The following BCL9 variants were observed in gnomAD, a reference collection of about 807,000 sequenced individuals.
The protein encoded by BCL9 is B-cell CLL/lymphoma 9 protein.
BCL9 carries 25 observed loss-of-function variants against 88.5 expected under a neutral mutation model. That is an observed-to-expected ratio of 0.28 (90% CI 0.21 to 0.39). The LOEUF is 0.39. BCL9 is among the 10% of genes least tolerant of loss of function. The probability of loss-of-function intolerance (pLI) is 1.00; values close to 1 mark genes in which losing one functional copy is unlikely to be tolerated. For synonymous variants in BCL9, 711 were observed against 673.3 expected (o/e 1.06, Z -0.87); for missense variants, 1,817 against 1,877.8 (o/e 0.97, Z 0.60).
At chr1:147,573,860 T>A (rs907927125) in intron 1 of BCL9, among the ~76,000 whole-genome samples, 3 of 152,126 alleles carry the variant, frequency 2.0e-5, no homozygotes, top group African/African-American at 7.2e-5. Flanking sequence ...TAACTCTCAG[T>A]CATGTGTTTT....
At chr1:147,563,828 C>T (rs186916761) in intron 1 of BCL9, among the ~76,000 whole-genome samples, 20 of 152,344 alleles carry the variant, frequency 1.3e-4, no homozygotes, top group South Asian at 8.3e-4. Flanking sequence ...TACCAAGCAC[C>T]GTGCTAAGTG....
intron 1 of BCL9, among the ~76,000 whole-genome samples, chr1:147,556,037 G>C (rs966933259): frequency 7.9e-5 from 12 of 152,178 alleles, no homozygotes; most frequent in Admixed American, 2.0e-4. Flanking sequence ...GGGCATGAAG[G>C]TGTCCTAGAG....
At position 147,624,799 on chromosome 1, in the gene BCL9, C is replaced by T; in HGVS notation, c.4121C>T (p.Pro1374Leu). Residue 1374 changes from proline (P) to leucine (L), a missense_variant, in exon 10 of 10, where the codon CCT becomes CTT. Coordinates refer to ENST00000234739, the MANE Select transcript of BCL9 (RefSeq NM_004326.4). The surrounding 1 kb of genome is among the most constrained non-coding windows in gnomAD (Gnocchi z 4.4). ...GPAGLYTHPG[P>L]VGSPGMMMSM... ...GCCGGGCTCTACACCCACCCTGGGC[C>T]TGTGGGCTCTCCAGGCATGATGATG... 1 of 1,614,174 alleles carries T rather than the reference C, an allele frequency of 6.2e-7. No homozygotes were observed. Among genetic ancestry groups the T allele is most frequent in the East Asian group, 2.2e-5 (1 of 44,884 alleles).
chr1:147,571,474 C>G (rs1572826), intron 1 of BCL9, among the ~76,000 whole-genome samples: 28,063 of 152,084 alleles, frequency 0.18, 7,076 homozygotes, highest in African/African-American at 0.57. Flanking sequence ...TAGAGACCCT[C>G]CTCTTCATCA....
At chr1:147,598,144 T>C (rs956175091) in intron 1 of BCL9, among the ~76,000 whole-genome samples, 1 of 152,208 alleles carries the variant, frequency 6.6e-6, no homozygotes, top group African/African-American at 2.4e-5. Context: ...TCTTTTCTAA[T>C]ACCATAAGAA....
chr1:147,599,792 A>G (rs1570884094), intron 1 of BCL9, among the ~76,000 whole-genome samples: 2 of 101,732 alleles, frequency 2.0e-5, no homozygotes, highest in African/African-American at 7.9e-5. Context: ...GGGCGGCGGG[A>G]GGTGCGGCTG....
intron 1 of BCL9, among the ~76,000 whole-genome samples, chr1:147,604,535 G>A (rs1553201711): frequency 3.3e-5 from 5 of 152,214 alleles, no homozygotes; most frequent in Non-Finnish European, 5.9e-5. Context: ...TAAACTCCCA[G>A]TCATCCATTA....
At chr1:147,615,731 A>T in intron 6 of BCL9, 72 bp from the exon 7 acceptor site, 1 of 1,240,328 alleles carries the variant, frequency 8.1e-7, no homozygotes, top group Non-Finnish European at 1.2e-6. Flanking sequence ...TTGTGTGGTT[A>T]AAGTGCTTTG....
intron 1 of BCL9, among the ~76,000 whole-genome samples, chr1:147,560,504 C>T (rs965083303): frequency 1.5e-4 from 23 of 151,102 alleles, no homozygotes; most frequent in African/African-American, 5.1e-4. Context: ...GGGGGTAGGG[C>T]GCCGAGGGTG....
rs781791558 is a variant in BCL9, at chr1:147,620,490, A to T, written c.2335A>T (p.Met779Leu). Residue 779 changes from methionine (M) to leucine (L), a missense_variant, in exon 8 of 10, where the codon ATG becomes TTG. By Grantham distance (15) the Met-to-Leu change is conservative. Coordinates refer to ENST00000234739, the MANE Select transcript of BCL9 (RefSeq NM_004326.4). ...FGEHPQQEYGMGPRPFLPMSQ... is the reference protein window; with the variant it reads ...FGEHPQQEYGLGPRPFLPMSQ... ...TGAGCACCCCCAGCAGGAGTATGGCATGGGCCCCAGACCATTCCTTCCCAT... is the reference window on the plus strand; with the variant it reads ...TGAGCACCCCCAGCAGGAGTATGGCTTGGGCCCCAGACCATTCCTTCCCAT... The T allele has an allele frequency of 1.2e-6, 2 of 1,614,020 alleles. No homozygotes were observed. Among genetic ancestry groups the T allele is most frequent in the African/African-American group, 1.3e-5 (1 of 74,920 alleles).
At chr1:147,622,201 C>G in intron 8 of BCL9, 70 bp from the exon 9 acceptor site, 1 of 1,579,472 alleles carries the variant, frequency 6.3e-7, no homozygotes, top group Admixed American at 1.7e-5. Context: ...AGTTCATAAT[C>G]ATAGGGCCCA....
At chr1:147,601,590 G>A (rs112992851) in intron 1 of BCL9, among the ~76,000 whole-genome samples, 2 of 152,182 alleles carry the variant, frequency 1.3e-5, no homozygotes, top group East Asian at 3.9e-4. Context: ...GACTCATGTG[G>A]GTTTAGAACC....
intron 1 of BCL9, among the ~76,000 whole-genome samples, chr1:147,559,126 TTC>T (rs200009989): frequency 0.059 from 3,608 of 61,492 alleles, 137 homozygotes; most frequent in African/African-American, 0.19. Context: ...TTCTTTCTTC[TTC>T]TTTTTTTTTT....
chr1:147,583,930 C>T (rs189219104), intron 1 of BCL9, among the ~76,000 whole-genome samples: 2 of 152,042 alleles, frequency 1.3e-5, no homozygotes, highest in East Asian at 2.0e-4. Flanking sequence ...TCCCTCCAGC[C>T]TGAATGACAA....
Position 147,611,853 on chromosome 1 carries a change from C to T in BCL9, c.17C>T (p.Pro6Leu), listed in dbSNP as rs1658019485. The T allele has an allele frequency of 1.9e-6, 3 of 1,614,148 alleles. No homozygotes were observed. The East Asian group carries it at 6.7e-5, about 36-fold the overall frequency. The part of the protein sequence containing the change: MHSSN[P>L]KVRSSPSGNT... ...TTTCAATCAATGCATTCCAGTAACC[C>T]TAAAGTGAGGAGCTCTCCATCAGGA... Residue 6 changes from proline to leucine, a missense_variant, in exon 4 of 10, where the codon CCT becomes CTT. Pro to Leu is a moderately conservative substitution (Grantham distance 98, BLOSUM62 -3). Coordinates refer to ENST00000234739, the MANE Select transcript of BCL9 (RefSeq NM_004326.4).
At chr1:147,605,654 T>C (rs763226878) in intron 2 of BCL9, among the ~76,000 whole-genome samples, 68 of 152,340 alleles carry the variant, frequency 4.5e-4, no homozygotes, top group Non-Finnish European at 7.9e-4. Context: ...TACATGCCCA[T>C]TGCATAGTTT....
intron 4 of BCL9, 117 bp from the exon 5 acceptor site, chr1:147,612,766 G>T: frequency 1.0e-6 from 1 of 962,922 alleles, no homozygotes; most frequent in East Asian, 2.5e-5. Context: ...TGAATCATGG[G>T]GTGGTTATTT....
At chr1:147,580,234 C>G (rs1289790477) in intron 1 of BCL9, among the ~76,000 whole-genome samples, 1 of 152,170 alleles carries the variant, frequency 6.6e-6, no homozygotes, top group African/African-American at 2.4e-5. Context: ...GCTAGAGAAG[C>G]TTTCCTTGGA....
At chr1:147,603,129 T>C (rs1456562828) in intron 1 of BCL9, among the ~76,000 whole-genome samples, 1 of 152,258 alleles carries the variant, frequency 6.6e-6, no homozygotes, top group South Asian at 2.1e-4. Context: ...ACAGTCTTAC[T>C]AACAGACCAA....
Sources: gnomAD v4.1 joint callset for allele counts (sites outside exome capture counted in the v4.1 genomes callset) on GRCh38, gnomAD v4.1.1 for gene constraint, Gnocchi (gnomAD v3.1) non-coding constraint, MANE v1.5 for transcripts, NCBI Gene and HGNC (gene_info 2026-07-23, HGNC 2026-07-21) for gene names.